The following MYOM2 variants were observed in gnomAD, a reference collection of about 807,000 sequenced individuals.
MYOM2 encodes the protein myomesin 2, also known as myomesin-2.
A neutral mutation model predicts 187.6 loss-of-function variants in MYOM2; 254 were observed. The ratio of observed to expected loss-of-function variants is 1.35; its 90% CI spans 1.22 to 1.50. The LOEUF (loss-of-function observed/expected upper bound fraction) is 1.50, where lower values mean the gene tolerates loss of function less well. Ranked by LOEUF, MYOM2 falls within the 40% of genes most tolerant of loss-of-function variation. The pLI is 0.00. For synonymous variants in MYOM2, 981 were observed against 753.8 expected, an observed-to-expected ratio of 1.30 and a Z score of -4.94; for missense variants, 2,796 against 1,924.0, an observed-to-expected ratio of 1.45 and a Z score of -8.48.
At chr8:2,047,740 A>T (rs911385207) in intron 1 of MYOM2, among the ~76,000 whole-genome samples, 2 of 152,170 alleles carry the variant, frequency 1.3e-5, no homozygotes, top group African/African-American at 2.4e-5. Context: ...CTTCCCGGGG[A>T]GACTTCCACA....
chr8:2,055,746 C>G (rs1490715079), intron 3 of MYOM2, among the ~76,000 whole-genome samples: 2 of 152,128 alleles, frequency 1.3e-5, no homozygotes, highest in Admixed American at 1.3e-4. Flanking sequence ...GGAAGCACCT[C>G]GGACAGAGGC....
intron 24 of MYOM2, 59 bp downstream of exon 24, chr8:2,108,889 C>A: frequency 6.6e-7 from 1 of 1,521,974 alleles, no homozygotes; most frequent in Non-Finnish European, 9.1e-7. Flanking sequence ...GGGCCGTGTT[C>A]ATTAATGCAT....
At chr8:2,111,982 G>C (rs931423798) in intron 25 of MYOM2, among the ~76,000 whole-genome samples, 5 of 152,204 alleles carry the variant, frequency 3.3e-5, no homozygotes, top group Non-Finnish European at 5.9e-5. Flanking sequence ...CCTGGGGTAG[G>C]AGTGGAGCAG....
chr8:2,128,756 G>C (rs1797744847), intron 31 of MYOM2, among the ~76,000 whole-genome samples: 1 of 152,126 alleles, frequency 6.6e-6, no homozygotes, highest in East Asian at 1.9e-4. Context: ...CGTCCCTTTT[G>C]CAGATTTTCT....
intron 32 of MYOM2, among the ~76,000 whole-genome samples, chr8:2,133,572 C>A (rs1023476327): frequency 2.0e-5 from 3 of 152,160 alleles, no homozygotes; most frequent in African/African-American, 4.8e-5. Context: ...GTGATTCTCC[C>A]ACCTCAGCCT....
intron 6 of MYOM2, among the ~76,000 whole-genome samples, chr8:2,068,046 C>T (rs771151283): frequency 3.9e-5 from 6 of 152,104 alleles, no homozygotes; most frequent in South Asian, 2.1e-4. Flanking sequence ...GATGGGTTTT[C>T]GGTGGTTTCA....
At chr8:2,058,431 T>C (rs577003403) in intron 5 of MYOM2, among the ~76,000 whole-genome samples, 1 of 152,200 alleles carries the variant, frequency 6.6e-6, no homozygotes, top group Non-Finnish European at 1.5e-5. Flanking sequence ...TGCTTTTCAA[T>C]ATGGAAAACT....
At chr8:2,060,629 G>T (rs1324707554) in intron 6 of MYOM2, among the ~76,000 whole-genome samples, 1 of 152,312 alleles carries the variant, frequency 6.6e-6, no homozygotes, top group African/African-American at 2.4e-5. Flanking sequence ...AGAGGAAAAG[G>T]TGCCTGCTAA....
intron 14 of MYOM2, among the ~76,000 whole-genome samples, chr8:2,086,978 C>T (rs1272077002): frequency 2.6e-5 from 4 of 151,936 alleles, no homozygotes; most frequent in South Asian, 2.1e-4. Context: ...ATACAAAAGA[C>T]GTTGTATATT....
chr8:2,059,225 A>C lies in MYOM2; in HGVS notation c.633A>C (p.Val211=). 1 of 1,614,174 alleles carries C rather than the reference A, an allele frequency of 6.2e-7. No homozygotes were observed. The highest frequency in any genetic ancestry group is 8.5e-7 in the Non-Finnish European group (1 of 1,180,024). The change falls in exon 6 of 37, where the codon GTA becomes GTC. Residue 211 remains valine (V), a synonymous_variant. Coordinates refer to ENST00000262113, the MANE Select transcript of MYOM2 (RefSeq NM_003970.4). The part of the protein sequence containing the change: ...GKYRIESNYG[V]HTLEINRADF... ...ACAGGATTGAGAGCAACTATGGCGT[A>C]CACACACTGGAGATCAACAGGTATG...
intron 28 of MYOM2, among the ~76,000 whole-genome samples, chr8:2,120,404 GC>G (rs1797384756): frequency 6.6e-6 from 1 of 151,546 alleles, no homozygotes; most frequent in Non-Finnish European, 1.5e-5. Context: ...TTGTTGATGA[GC>G]CTAAGTGTCA....
Position 2,092,399 on chromosome 8 carries a change from G to C in MYOM2, c.1882G>C (p.Val628Leu), listed in dbSNP as rs761611038. ...VLASRNTKTS[V>L]VVQWDRPKHE... ...TGCTTCCCGAAACACCAAGACGTCGGTGGTGGTGCAGTGGGACCGACCTAA... is the reference window on the plus strand; with the variant it reads ...TGCTTCCCGAAACACCAAGACGTCGCTGGTGGTGCAGTGGGACCGACCTAA... The change falls in exon 16 of 37, where the codon GTG (valine) becomes CTG (leucine). Residue 628 changes from valine to leucine, a missense_variant. Physicochemically the swap from Val to Leu is conservative, Grantham distance 32 (BLOSUM62 1). Coordinates refer to ENST00000262113, the MANE Select transcript of MYOM2 (RefSeq NM_003970.4). 4 of 1,614,058 alleles carry C rather than the reference G, an allele frequency of 2.5e-6. No individual in the cohort carries two copies. Among genetic ancestry groups the C allele is most frequent in the Non-Finnish European group, 3.4e-6 (4 of 1,180,036 alleles).
At position 2,131,647 on chromosome 8, in the gene MYOM2, T is replaced by C. The variant is rs915100821; in HGVS notation, c.3800+2415T>C. ...CAACAAAACAGGCATTTCTTTCTTTTTTTTTTTTTTTTTTGAGACAGAATC... is the reference window on the plus strand; with the variant it reads ...CAACAAAACAGGCATTTCTTTCTTTCTTTTTTTTTTTTTTGAGACAGAATC... On this transcript the variant is annotated intron_variant, in intron 32 of 36. Transcript: ENST00000262113. Among the ~76,000 whole-genome samples, 25 of 146,972 alleles carry C rather than the reference T, an allele frequency of 1.7e-4. No individual in the cohort carries two copies. The East Asian group carries it at 3.9e-3, about 23-fold the overall frequency.
Position 2,078,838 on chromosome 8 carries a change from G to C in MYOM2, c.1367G>C (p.Arg456Pro). 6.2e-7 allele frequency: 1 copy of C among 1,614,112 alleles called. No homozygotes were observed. The highest frequency in any genetic ancestry group is 8.5e-7 in the Non-Finnish European group (1 of 1,179,996). The part of the protein sequence containing the change: ...GLFEGRSYIF[R>P]VRAVNSAGIS... ...TTTGAAGGAAGGTCTTACATATTCC[G>C]AGTGAGGGCAGTGAACAGTGCGGGC... The change falls in exon 12 of 37, where the codon CGA (arginine) becomes CCA (proline). Residue 456 changes from arginine (R) to proline (P), a missense_variant. Physicochemically the swap from Arg to Pro is moderately radical, Grantham distance 103. Coordinates refer to ENST00000262113, the MANE Select transcript of MYOM2 (RefSeq NM_003970.4).
intron 11 of MYOM2, among the ~76,000 whole-genome samples, chr8:2,077,318 CA>C (rs1214488739): frequency 6.6e-6 from 1 of 151,136 alleles, no homozygotes; most frequent in Non-Finnish European, 1.5e-5. Flanking sequence ...TCAAAAAAAA[CA>C]AAACAAAACA....
At chr8:2,140,244 G>A (rs958467911) in intron 32 of MYOM2, among the ~76,000 whole-genome samples, 3 of 152,174 alleles carry the variant, frequency 2.0e-5, no homozygotes, top group Non-Finnish European at 2.9e-5. Context: ...TTTCCCTCAT[G>A]TATTTATGGA....
At position 2,078,891 on chromosome 8, in the gene MYOM2, G is replaced by T; in HGVS notation, c.1420G>T (p.Ala474Ser). ...GISRPSRVSD[A>S]VAALDPLDLR... ...CAGCCGACCCTCCAGGGTCTCTGAT[G>T]CGGTGGCTGCACTTGACCCCTTGGA... Residue 474 changes from alanine (A) to serine (S), a missense_variant, in exon 12 of 37, where the codon GCG (alanine) becomes TCG (serine). Ala to Ser is a moderately conservative substitution (Grantham distance 99). Coordinates refer to ENST00000262113, the MANE Select transcript of MYOM2 (RefSeq NM_003970.4). 1.2e-6 allele frequency: 2 copies of T among 1,614,024 alleles called. No individual in the cohort carries two copies. Among genetic ancestry groups the T allele is most frequent in the Non-Finnish European group, 1.7e-6 (2 of 1,179,900 alleles).
intron 33 of MYOM2, 38 bp downstream of exon 33, chr8:2,140,924 T>C (rs752406984): frequency 1.9e-6 from 3 of 1,564,062 alleles, no homozygotes; most frequent in Non-Finnish European, 2.6e-6. Context: ...TAATTTCCTA[T>C]TTAGAAATCC....
At chr8:2,080,221 A>T (rs1819573456) in intron 13 of MYOM2, among the ~76,000 whole-genome samples, 1 of 152,240 alleles carries the variant, frequency 6.6e-6, no homozygotes, top group African/African-American at 2.4e-5. Context: ...ATGGGTGAAA[A>T]CATAAAAAGA....
Sources: allele counts gnomAD v4.1 joint callset (sites outside exome capture counted in the v4.1 genomes callset), GRCh38; gene constraint gnomAD v4.1.1; transcripts MANE v1.5; gene names NCBI Gene and HGNC (gene_info 2026-07-23, HGNC 2026-07-21).